RALB: variants seen among roughly 807,000 people sequenced by gnomAD.
RALB encodes the protein RAS like proto-oncogene B.
Under a neutral mutation model 21.3 loss-of-function variants are expected in RALB, and 16 were observed. The ratio of observed to expected loss-of-function variants is 0.75; its 90% CI spans 0.51 to 1.14. The LOEUF (loss-of-function observed/expected upper bound fraction) is 1.14, where lower values mean the gene tolerates loss of function less well. Among genes scored for constraint, RALB ranks in the 50% most tolerant of loss-of-function variants. RALB has a pLI of 0.00. For synonymous variants in RALB, 93 were observed against 96.1 expected (o/e 0.97, Z 0.19); for missense variants, 161 against 256.2 (o/e 0.63, Z 2.54).
intron 2 of RALB, among the ~76,000 whole-genome samples, chr2:120,285,189 C>T (rs1573355760): frequency 6.6e-6 from 1 of 152,168 alleles, no homozygotes; most frequent in Admixed American, 6.5e-5. Context: ...AAGTGCAGAG[C>T]GAAGTGGGGA....
At chr2:120,275,941 CA>C (rs953903221) in intron 1 of RALB, among the ~76,000 whole-genome samples, 3 of 152,136 alleles carry the variant, frequency 2.0e-5, no homozygotes, top group African/African-American at 7.2e-5. Context: ...GGGGTTTTTA[CA>C]GATGTGCTAG....
At chr2:120,279,810 T>A (rs1374228826) in intron 2 of RALB, among the ~76,000 whole-genome samples, 1 of 152,216 alleles carries the variant, frequency 6.6e-6, no homozygotes, top group Non-Finnish European at 1.5e-5. Flanking sequence ...CCACGTCAGT[T>A]AAGATCACTA....
chr2:120,283,516 C>T (rs1446199791), intron 2 of RALB, among the ~76,000 whole-genome samples: 1 of 152,202 alleles, frequency 6.6e-6, no homozygotes, highest in Non-Finnish European at 1.5e-5. Context: ...GCCATAGTCC[C>T]AGAGTCTTTA....
At chr2:120,262,177 A>G (rs1295009052) in intron 1 of RALB, among the ~76,000 whole-genome samples, 1 of 152,192 alleles carries the variant, frequency 6.6e-6, no homozygotes, top group African/African-American at 2.4e-5. Flanking sequence ...ACAGGCTATT[A>G]TGGCTGGAAA....
At chr2:120,285,594 C>A (rs1457051327) in intron 2 of RALB, among the ~76,000 whole-genome samples, 3 of 151,896 alleles carry the variant, frequency 2.0e-5, no homozygotes, top group Non-Finnish European at 4.4e-5. Context: ...AGTTTCTCAC[C>A]CTTGCAGGTG....
intron 2 of RALB, among the ~76,000 whole-genome samples, chr2:120,285,143 G>C (rs951902790): frequency 6.6e-6 from 1 of 152,102 alleles, no homozygotes; most frequent in Admixed American, 6.6e-5. Context: ...ATGGCAGAAG[G>C]GGGAGCAAAC....
rs1573321234 is a variant in RALB, at chr2:120,254,231, G to C, written c.-48+1251G>C. ...CTGAGCTCCAGAGTCAGCAACTGTA[G>C]AAGGGTGATGATAGTTATCCTAATT... On this transcript the variant is annotated intron_variant, in intron 1 of 4. Coordinates refer to ENST00000272519, the MANE Select transcript of RALB (RefSeq NM_002881.3). 9.9e-5 allele frequency among the ~76,000 whole-genome samples: 15 copies of C among 152,240 alleles called. No homozygotes were observed. In the South Asian group the frequency reaches 2.9e-3, roughly 29 times the overall value.
intron 1 of RALB, among the ~76,000 whole-genome samples, chr2:120,269,113 A>G (rs1319373398): frequency 3.9e-5 from 6 of 152,104 alleles, no homozygotes; most frequent in Non-Finnish European, 7.4e-5. Context: ...TTTGGTTGTA[A>G]TTTGGTTTGT....
At chr2:120,291,320 A>G (rs1690298707) in intron 4 of RALB, among the ~76,000 whole-genome samples, 1 of 152,048 alleles carries the variant, frequency 6.6e-6, no homozygotes, top group Non-Finnish European at 1.5e-5. Flanking sequence ...TTTTCTTTAT[A>G]TTGTCATCTC....
At chr2:120,269,254 G>C (rs897877620) in intron 1 of RALB, among the ~76,000 whole-genome samples, 1 of 152,132 alleles carries the variant, frequency 6.6e-6, no homozygotes, top group Non-Finnish European at 1.5e-5. Context: ...TGTTCCTTCC[G>C]GTGGGTTCAT....
At chr2:120,274,342 T>TAA (rs146622406) in intron 1 of RALB, among the ~76,000 whole-genome samples, 1 of 145,498 alleles carries the variant, frequency 6.9e-6, no homozygotes, top group African/African-American at 2.5e-5. Context: ...CTCACTTATT[T>TAA]AAAAAAAAAA....
chr2:120,244,621 C>G (rs990704524), intron 1 of RALB, among the ~76,000 whole-genome samples: 7 of 152,114 alleles, frequency 4.6e-5, no homozygotes, highest in Admixed American at 4.6e-4. Context: ...TTCCCTCATC[C>G]ATCCATCCAT....
chr2:120,271,060 T>C (rs1689653540), intron 1 of RALB, among the ~76,000 whole-genome samples: 1 of 152,330 alleles, frequency 6.6e-6, no homozygotes, highest in East Asian at 1.9e-4. Flanking sequence ...CCCTAGGTTT[T>C]CAGATTCTCA....
At chr2:120,256,983 C>G (rs1295782761) in intron 1 of RALB, among the ~76,000 whole-genome samples, 1 of 152,178 alleles carries the variant, frequency 6.6e-6, no homozygotes, top group African/African-American at 2.4e-5. Flanking sequence ...AGCTTTAATA[C>G]TATATGTGAA....
chr2:120,283,979 G>A (rs1044854547), intron 2 of RALB, among the ~76,000 whole-genome samples: 3 of 152,222 alleles, frequency 2.0e-5, no homozygotes, highest in African/African-American at 7.2e-5. Context: ...TGTGTCAAAG[G>A]AGCCAGTGGA....
chr2:120,246,639 C>A (rs1038870459), intron 1 of RALB, among the ~76,000 whole-genome samples: 1 of 152,244 alleles, frequency 6.6e-6, no homozygotes, highest in African/African-American at 2.4e-5. Flanking sequence ...ATCAGGAGCA[C>A]CCCTGGGCCA....
At chr2:120,253,038 G>A (rs1689096025) in intron 1 of RALB, 58 bp downstream of exon 1, 1 of 938,722 alleles carries the variant, frequency 1.1e-6, no homozygotes, top group Non-Finnish European at 1.3e-6. Context: ...GGGGAGTGGG[G>A]TACGCCGCAC....
chr2:120,268,992 T>TCC, intron 1 of RALB, among the ~76,000 whole-genome samples: 1 of 152,228 alleles, frequency 6.6e-6, no homozygotes, highest in Non-Finnish European at 1.5e-5. Flanking sequence ...TCTGATAGAA[T>TCC]TTGGATCATT....
At chr2:120,269,714 C>G (rs1161869575) in intron 1 of RALB, among the ~76,000 whole-genome samples, 1 of 152,182 alleles carries the variant, frequency 6.6e-6, no homozygotes, top group African/African-American at 2.4e-5. Context: ...GCTGGCTTCA[C>G]CTCTCACTAT....
Sources: gnomAD v4.1 joint callset for allele counts (sites outside exome capture counted in the v4.1 genomes callset) on GRCh38, gnomAD v4.1.1 for gene constraint, MANE v1.5 for transcripts, NCBI Gene and HGNC (gene_info 2026-07-23, HGNC 2026-07-21) for gene names.